GRIP1: variants seen among roughly 807,000 people sequenced by gnomAD.
GRIP1 encodes the protein glutamate receptor interacting protein 1.
A neutral mutation model predicts 129.9 loss-of-function variants in GRIP1; 45 were observed. That is an observed-to-expected ratio of 0.35 (90% CI 0.27 to 0.44). The LOEUF is 0.44. GRIP1 is among the 20% of genes least tolerant of loss of function. GRIP1 has a pLI of 1.00. For synonymous variants in GRIP1, 530 were observed against 520.8 expected (o/e 1.02, Z -0.24); for missense variants, 1,196 against 1,396.8 (o/e 0.86, Z 2.29).
At chr12:66,979,246 A>AC (rs2042206069) in intron 1 of GRIP1, among the ~76,000 whole-genome samples, 6 of 148,190 alleles carry the variant, frequency 4.0e-5, no homozygotes, top group Non-Finnish European at 7.4e-5. Flanking sequence ...AAAAAAAAAA[A>AC]AAAAAAAACA....
At chr12:66,468,595 G>C (rs12423909) in intron 7 of GRIP1, among the ~76,000 whole-genome samples, 33,836 of 151,544 alleles carry the variant, frequency 0.22, 4,352 homozygotes, top group Middle Eastern at 0.41. Flanking sequence ...TTTCTAAAAA[G>C]TACTAAATCA....
chr12:66,787,470 GC>G (rs754850471), intron 1 of GRIP1, among the ~76,000 whole-genome samples: 7 of 152,102 alleles, frequency 4.6e-5, no homozygotes, highest in Admixed American at 1.3e-4. Flanking sequence ...CTTCCACTGT[GC>G]CCCCTCCCCT....
intron 1 of GRIP1, among the ~76,000 whole-genome samples, chr12:66,777,470 ACTTTTT>A (rs1264521913): frequency 1.3e-5 from 2 of 152,094 alleles, no homozygotes; most frequent in Admixed American, 6.6e-5. Flanking sequence ...ACAGAATTTT[ACTTTTT>A]CTTTTTATTC....
Position 66,463,081 on chromosome 12 carries a change from C to T in GRIP1, c.885G>A (p.Leu295=). ...SASIADRCGA[L]HVGDHILSID... is the part of the protein sequence containing the mutation. The stretch of plus-strand genomic sequence containing the variant: ...TGGAGAGGATGTGATCTCCCACATG[C>T]AATGCGCCACATCTACGGAAAGGAG... Residue 295 remains leucine (L), a synonymous_variant, in exon 9 of 25, where the codon TTG becomes TTA. Coordinates refer to ENST00000359742, the MANE Select transcript of GRIP1 (RefSeq NM_001366722.1). 3 of 1,613,844 alleles carry T rather than the reference C, an allele frequency of 1.9e-6. No individual in the cohort carries two copies. The highest frequency in any genetic ancestry group is 2.5e-6 in the Non-Finnish European group (3 of 1,179,800).
intron 9 of GRIP1, among the ~76,000 whole-genome samples, chr12:66,457,027 G>A (rs868380845): frequency 5.9e-5 from 9 of 151,840 alleles, no homozygotes; most frequent in South Asian, 2.1e-4. Flanking sequence ...AATATTTCAC[G>A]TTTTTATATT....
chr12:66,781,611 C>A (rs1217155956), intron 1 of GRIP1, among the ~76,000 whole-genome samples: 2 of 151,954 alleles, frequency 1.3e-5, no homozygotes, highest in Non-Finnish European at 2.9e-5. Context: ...TAACCTAGGA[C>A]AAATTGAAAA....
chr12:66,408,689 C>T (rs1375280927), intron 15 of GRIP1, among the ~76,000 whole-genome samples: 1 of 151,998 alleles, frequency 6.6e-6, no homozygotes, highest in Non-Finnish European at 1.5e-5. Context: ...GCTTAGGTAC[C>T]AGCTCTGCAA....
At chr12:66,908,151 CT>C (rs2040966040) in intron 1 of GRIP1, among the ~76,000 whole-genome samples, 1 of 152,056 alleles carries the variant, frequency 6.6e-6, no homozygotes, top group African/African-American at 2.4e-5. Context: ...ATTTTTATGG[CT>C]TCTAAATGTC....
chr12:66,776,651 G>A (rs2037990876), intron 1 of GRIP1, among the ~76,000 whole-genome samples: 1 of 152,192 alleles, frequency 6.6e-6, no homozygotes, highest in African/African-American at 2.4e-5. Flanking sequence ...GCTGTAAAGT[G>A]CAAATCCATT....
intron 7 of GRIP1, among the ~76,000 whole-genome samples, chr12:66,469,508 G>C (rs551813533): frequency 1.3e-5 from 2 of 152,162 alleles, no homozygotes; most frequent in African/African-American, 4.8e-5. Context: ...TAAAGACTGA[G>C]TTTGGAGGGA....
chr12:66,909,053 C>T (rs922545712), intron 1 of GRIP1, among the ~76,000 whole-genome samples: 5 of 152,212 alleles, frequency 3.3e-5, no homozygotes, highest in African/African-American at 9.6e-5. Flanking sequence ...GCTCTCTTTA[C>T]ATTTGTGATA....
chr12:67,028,933 T>C (rs1050266934), intron 1 of GRIP1, among the ~76,000 whole-genome samples: 5 of 152,086 alleles, frequency 3.3e-5, no homozygotes, highest in African/African-American at 1.2e-4. Flanking sequence ...TTAGCCACCG[T>C]GAAGTCAACA....
chr12:66,657,907 A>G (rs974158572), intron 1 of GRIP1, among the ~76,000 whole-genome samples: 3 of 152,340 alleles, frequency 2.0e-5, no homozygotes, highest in Admixed American at 1.3e-4. Flanking sequence ...AATGTCTGAA[A>G]AAGTCATGTT....
intron 1 of GRIP1, among the ~76,000 whole-genome samples, chr12:67,045,078 G>A (rs548256873): frequency 2.0e-5 from 3 of 152,298 alleles, no homozygotes; most frequent in South Asian, 4.1e-4. Context: ...GAGTGTATGC[G>A]CTCAACACTA....
At chr12:66,932,705 G>C (rs1437824118) in intron 1 of GRIP1, among the ~76,000 whole-genome samples, 1 of 152,012 alleles carries the variant, frequency 6.6e-6, no homozygotes, top group East Asian at 1.9e-4. Context: ...GTGTCACTCT[G>C]TTGCCCAGGC....
chr12:66,812,961 TCA>T (rs2039131820), intron 1 of GRIP1, among the ~76,000 whole-genome samples: 2 of 152,088 alleles, frequency 1.3e-5, no homozygotes, highest in Admixed American at 6.6e-5. Flanking sequence ...CAGGCACTAT[TCA>T]CACTCTAAAG....
At chr12:66,550,045 T>C (rs971914166) in intron 2 of GRIP1, among the ~76,000 whole-genome samples, 2 of 152,206 alleles carry the variant, frequency 1.3e-5, no homozygotes, top group African/African-American at 4.8e-5. Context: ...TCAAATGCCT[T>C]CTAAAGCATT....
chr12:66,562,755 A>G (rs1403608833), intron 2 of GRIP1, among the ~76,000 whole-genome samples: 1 of 152,198 alleles, frequency 6.6e-6, no homozygotes, highest in Non-Finnish European at 1.5e-5. Flanking sequence ...CCTGCCGCAC[A>G]GTTGAAAATC....
intron 7 of GRIP1, among the ~76,000 whole-genome samples, chr12:66,484,579 A>G (rs772138303): frequency 6.6e-6 from 1 of 152,222 alleles, no homozygotes; most frequent in South Asian, 2.1e-4. Context: ...CCACGCACAG[A>G]AAGACAAATA....
Sources: allele counts gnomAD v4.1 joint callset (sites outside exome capture counted in the v4.1 genomes callset), GRCh38; gene constraint gnomAD v4.1.1; transcripts MANE v1.5; gene names NCBI Gene and HGNC (gene_info 2026-07-23, HGNC 2026-07-21).